GAS7: variants seen among roughly 807,000 people sequenced by gnomAD.
The protein encoded by GAS7 is growth arrest-specific protein 7.
In GAS7, 28 loss-of-function variants were observed where a neutral mutation model predicts 71.1. The observed-to-expected ratio is 0.39, with a 90% confidence interval of 0.29 to 0.54. The LOEUF is 0.54. GAS7 is among the 20% of genes least tolerant of loss of function. The pLI, the probability that GAS7 is intolerant of heterozygous loss-of-function variation, is 0.62. For missense variants in GAS7, 436 were observed against 627.8 expected, an observed-to-expected ratio of 0.69 and a Z score of 3.27; for synonymous variants, 258 against 245.8, an observed-to-expected ratio of 1.05 and a Z score of -0.46.
intron 1 of GAS7, among the ~76,000 whole-genome samples, chr17:10,094,578 C>G (rs2073621643): frequency 6.6e-6 from 1 of 152,136 alleles, no homozygotes; most frequent in Admixed American, 6.5e-5. Flanking sequence ...AAGCAATTCT[C>G]CTGCCTCAGA....
rs1597823261 is a variant in GAS7, at chr17:10,153,488, C to T, written c.183+44720G>A. On this transcript the variant is annotated intron_variant, in intron 1 of 13. Coordinates refer to ENST00000432992, the MANE Select transcript of GAS7 (RefSeq NM_201433.2). ...CTGAGATCATGCCACTGCACTCCAGCCTGGGTGACAGAGTGAGACTCTTTG... is the reference window on the plus strand; with the variant it reads ...CTGAGATCATGCCACTGCACTCCAGTCTGGGTGACAGAGTGAGACTCTTTG... 1.6e-4 allele frequency among the ~76,000 whole-genome samples: 23 copies of T among 146,590 alleles called. No individual in the cohort carries two copies. The South Asian group carries it at 5.0e-3, about 32-fold the overall frequency.
chr17:9,959,368 T>C lies in GAS7; in HGVS notation c.472-113A>G. ...GCTGGGGAATCAGGGATGCTCAGTC[T>C]GAATCCTAAGTCACCATATTCTGGG... On this transcript the variant is annotated intron_variant, in intron 4 of 13. Coordinates refer to ENST00000432992, the MANE Select transcript of GAS7 (RefSeq NM_201433.2). This position sits in a 1 kb window ranked among gnomAD's most constrained non-coding sequence, Gnocchi z 5.0. 6.4e-7 allele frequency: 1 copy of C among 1,554,010 alleles called. No individual in the cohort carries two copies. The highest frequency in any genetic ancestry group is 8.7e-7 in the Non-Finnish European group (1 of 1,147,400).
rs188343490 is a variant in GAS7, at chr17:10,137,143, C to T, written c.183+61065G>A. Among the ~76,000 whole-genome samples, 523 of 152,028 alleles carry T rather than the reference C, an allele frequency of 3.4e-3. 1 individual carries two copies. The highest frequency in any genetic ancestry group is 0.012 in the African/African-American group (482 of 41,466). On this transcript the variant is annotated intron_variant, in intron 1 of 13. Transcript: ENST00000432992. ...GAAAAAAAGAGAGAGAGAGAGACCG[C>T]AAATACTCTCCCTCTCCTACCTGCT...
intron 1 of GAS7, among the ~76,000 whole-genome samples, chr17:10,102,226 AAAAAAG>A (rs79902419): frequency 1.9e-4 from 28 of 150,920 alleles, no homozygotes; most frequent in Admixed American, 9.3e-4. Flanking sequence ...AAAAAAAAAA[AAAAAAG>A]AATCTTCCCC....
chr17:10,094,501 C>T (rs533437992), intron 1 of GAS7, among the ~76,000 whole-genome samples: 1 of 152,070 alleles, frequency 6.6e-6, no homozygotes. Flanking sequence ...CAGAGTCTTG[C>T]TCTGTAGCAC....
intron 1 of GAS7, among the ~76,000 whole-genome samples, chr17:10,113,262 T>C (rs994393161): frequency 4.2e-4 from 64 of 152,362 alleles, no homozygotes; most frequent in African/African-American, 1.5e-3. Flanking sequence ...ACAGTCTTGT[T>C]AGAGGCAATC....
chr17:10,114,822 C>G (rs1022038323), intron 1 of GAS7, among the ~76,000 whole-genome samples: 3 of 152,150 alleles, frequency 2.0e-5, no homozygotes, highest in Admixed American at 1.3e-4. Flanking sequence ...ACACAGTTTC[C>G]TCAATGAGAA....
chr17:9,972,194 A>T (rs1483910039), intron 3 of GAS7, among the ~76,000 whole-genome samples: 1 of 152,188 alleles, frequency 6.6e-6, no homozygotes, highest in Admixed American at 6.5e-5. Context: ...CCACACCCAC[A>T]TCCCTCAGGC....
At chr17:9,917,489 G>C (rs1359408445) in intron 13 of GAS7, 148 bp from the exon 14 acceptor site, 1 of 635,892 alleles carries the variant, frequency 1.6e-6, no homozygotes, top group African/African-American at 1.8e-5. Flanking sequence ...CCATCTGAGG[G>C]ACAGCACATG....
Position 9,911,516 on chromosome 17 carries a change from A to T in GAS7, c.*5712T>A. The T allele has an allele frequency of 4.3e-6, 1 of 233,584 alleles. No homozygotes were observed. The highest frequency in any genetic ancestry group is 8.5e-6 in the Non-Finnish European group (1 of 118,200). The allele number at this position is 233,584 out of a possible 1,614,324, so 14.5% of individuals were successfully genotyped here. A position where few individuals can be genotyped will look rare whatever the true frequency, so the allele number is the denominator to read the frequency against. On this transcript the variant is annotated 3_prime_UTR_variant, in exon 14 of 14. Transcript: ENST00000432992. This position sits in a 1 kb window ranked among gnomAD's most constrained non-coding sequence, Gnocchi z 4.0. ...CCCACCCCCAGAGACACCTCCCAGG[A>T]AGCCCTCCTGACAGCCATGCCCCAG... is the stretch of plus-strand genomic sequence containing the variant.
intron 1 of GAS7, among the ~76,000 whole-genome samples, chr17:10,105,580 G>T (rs1419064448): frequency 6.6e-6 from 1 of 152,086 alleles, no homozygotes; most frequent in Non-Finnish European, 1.5e-5. Context: ...ACCTCTGCCT[G>T]GAATGCTGTT....
Position 9,969,307 on chromosome 17 carries a change from G to A in GAS7, c.471+370C>T, listed in dbSNP as rs1045988246. Among the ~76,000 whole-genome samples the A allele has an allele frequency of 2.6e-5, 4 of 152,124 alleles. No individual in the cohort carries two copies. Among genetic ancestry groups the A allele is most frequent in the African/African-American group, 4.8e-5 (2 of 41,410 alleles). ...AAATTCCATTCTGGGTAATCTGTCC[G>A]TGGGAGGGGTAGGGTAGAGAAAAGG... On this transcript the variant is annotated intron_variant, in intron 4 of 13. Coordinates refer to ENST00000432992, the MANE Select transcript of GAS7 (RefSeq NM_201433.2). This position sits in a 1 kb window ranked among gnomAD's most constrained non-coding sequence, Gnocchi z 5.5.
At chr17:10,088,058 T>C (rs551947950) in intron 1 of GAS7, among the ~76,000 whole-genome samples, 31 of 151,828 alleles carry the variant, frequency 2.0e-4, no homozygotes, top group African/African-American at 7.2e-4. Context: ...CTGTCTCTAC[T>C]AAAAACACAA....
chr17:10,102,205 TAA>T (rs34961542), intron 1 of GAS7, among the ~76,000 whole-genome samples: 29,044 of 69,354 alleles, frequency 0.42, 4,215 homozygotes, highest in East Asian at 0.53. Flanking sequence ...AGAGTGCCCG[TAA>T]AAAAAAAAAA....
chr17:9,950,901 AC>A (rs2068979775), intron 5 of GAS7, among the ~76,000 whole-genome samples: 1 of 151,360 alleles, frequency 6.6e-6, no homozygotes, highest in African/African-American at 2.4e-5. Flanking sequence ...AAAAATTAGC[AC>A]TGTGATGGAT....
chr17:10,009,660 A>AAAAAGCCTG (rs2071683559), intron 2 of GAS7, among the ~76,000 whole-genome samples: 1 of 146,696 alleles, frequency 6.8e-6, no homozygotes. Flanking sequence ...CAATATAGCA[A>AAAAAGCCTG]GACCCCTTCT....
intron 1 of GAS7, among the ~76,000 whole-genome samples, chr17:10,046,395 GAA>G (rs199532580): frequency 7.3e-6 from 1 of 137,148 alleles, no homozygotes; most frequent in Non-Finnish European, 1.6e-5. Context: ...AGAATCGGAG[GAA>G]AAAAAAAAAA....
At chr17:10,094,999 C>A (rs560567414) in intron 1 of GAS7, among the ~76,000 whole-genome samples, 2 of 152,114 alleles carry the variant, frequency 1.3e-5, no homozygotes, top group East Asian at 3.9e-4. Flanking sequence ...GCCTCCAGAT[C>A]GCCACATGCA....
chr17:10,186,508 A>G (rs751632175), intron 1 of GAS7, among the ~76,000 whole-genome samples: 13 of 150,670 alleles, frequency 8.6e-5, no homozygotes, highest in Non-Finnish European at 1.6e-4. Flanking sequence ...GGTTCAACGA[A>G]TTCTCCTCCC....
Sources: allele counts gnomAD v4.1 joint callset (sites outside exome capture counted in the v4.1 genomes callset), GRCh38; gene constraint gnomAD v4.1.1; non-coding constraint Gnocchi (gnomAD v3.1); transcripts MANE v1.5; gene names NCBI Gene and HGNC (gene_info 2026-07-23, HGNC 2026-07-21).